The following ZDHHC3 variants were observed in gnomAD, a reference collection of about 807,000 sequenced individuals.
ZDHHC3 encodes the protein palmitoyltransferase ZDHHC3.
A neutral mutation model predicts 30.6 loss-of-function variants in ZDHHC3; 9 were observed. The ratio of observed to expected loss-of-function variants is 0.29; its 90% CI spans 0.18 to 0.51. ZDHHC3 has a LOEUF of 0.51. Ranked by LOEUF, ZDHHC3 falls within the 20% of genes least tolerant of loss-of-function variation. The probability of loss-of-function intolerance (pLI) is 0.97; values close to 1 mark genes in which losing one functional copy is unlikely to be tolerated. For missense variants in ZDHHC3, 246 were observed against 384.2 expected (o/e 0.64, Z 3.01); for synonymous variants, 136 against 140.2 (o/e 0.97, Z 0.21).
chr3:44,973,202 AT>A lies in ZDHHC3; in HGVS notation c.-25+2730del, dbSNP rs565515817. 2.0e-4 allele frequency among the ~76,000 whole-genome samples: 31 copies of A among 152,312 alleles called. No individual in the cohort carries two copies. The East Asian group carries it at 5.8e-3, about 28-fold the overall frequency. ...GGACAGTTACCAACGCCATAACAAA[AT>A]TGGGATTTCCTTCACCAAATAATCT... On this transcript the variant is annotated intron_variant, in intron 1 of 6. Coordinates refer to ENST00000424952, the MANE Select transcript of ZDHHC3 (RefSeq NM_001135179.2).
chr3:44,931,997 A>G (rs1421092216), intron 5 of ZDHHC3, among the ~76,000 whole-genome samples: 2 of 152,156 alleles, frequency 1.3e-5, no homozygotes, highest in Non-Finnish European at 2.9e-5. Context: ...CAACAGGGAC[A>G]TTTTGCCTCA....
Position 44,925,921 on chromosome 3 carries a change from AT to A in ZDHHC3, c.*767del, listed in dbSNP as rs1335860630. On this transcript the variant is annotated 3_prime_UTR_variant, in exon 7 of 7. Transcript: ENST00000424952. ...AACGTAGCTTGCCTGAAATTGTGTAATTTTTTTTCCTCTTGATTGTATAAGG... is the reference window on the plus strand; with the variant it reads ...AACGTAGCTTGCCTGAAATTGTGTAATTTTTTTCCTCTTGATTGTATAAGG... 7 of 985,562 alleles carry A rather than the reference AT, an allele frequency of 7.1e-6. No homozygotes were observed. The highest frequency in any genetic ancestry group is 8.4e-6 in the Non-Finnish European group (7 of 829,872). The allele number at this position is 985,562 out of a possible 1,614,324, so 61.1% of individuals were successfully genotyped here.
intron 1 of ZDHHC3, among the ~76,000 whole-genome samples, chr3:44,972,021 T>C (rs956062654): frequency 6.6e-6 from 1 of 152,170 alleles, no homozygotes; most frequent in Non-Finnish European, 1.5e-5. Context: ...GCAAAGTGTT[T>C]AAAGGAAACA....
At chr3:44,942,636 C>T (rs1337034723) in intron 3 of ZDHHC3, among the ~76,000 whole-genome samples, 1 of 152,222 alleles carries the variant, frequency 6.6e-6, no homozygotes, top group East Asian at 1.9e-4. Flanking sequence ...TTTATAAACC[C>T]AGCATATCCC....
chr3:44,934,684 G>C (rs1436400029), intron 3 of ZDHHC3, among the ~76,000 whole-genome samples: 4 of 151,706 alleles, frequency 2.6e-5, no homozygotes, highest in Non-Finnish European at 5.9e-5. Flanking sequence ...CTGAGGTCAG[G>C]AGTTTAAGAC....
At position 44,923,013 on chromosome 3, in the gene ZDHHC3, C is replaced by T; in HGVS notation, c.*3676G>A. 1.0e-6 allele frequency: 1 copy of T among 984,846 alleles called. No individual in the cohort carries two copies. The highest frequency in any genetic ancestry group is 1.2e-6 in the Non-Finnish European group (1 of 829,608). 61.0% of individuals were successfully genotyped at this position (984,846 alleles called of 1,614,324 possible). ...AAACCCATTAGCCTGGCTGAGAAAG[C>T]CCATCCCAGCCCACCCGGAGAGGAG... On this transcript the variant is annotated 3_prime_UTR_variant, in exon 7 of 7. Transcript: ENST00000424952.
At chr3:44,938,999 A>C (rs1702211189) in intron 3 of ZDHHC3, among the ~76,000 whole-genome samples, 1 of 152,212 alleles carries the variant, frequency 6.6e-6, no homozygotes. Context: ...ATTATAAAGA[A>C]TACATGAGAC....
chr3:44,960,071 C>T (rs548442834), intron 1 of ZDHHC3, among the ~76,000 whole-genome samples: 32 of 152,274 alleles, frequency 2.1e-4, no homozygotes, highest in East Asian at 7.7e-4. Context: ...GCCAGCCTGG[C>T]AATTTAGAGG....
At chr3:44,958,677 T>C in intron 2 of ZDHHC3, 5 of 1,536,120 alleles carry the variant, frequency 3.3e-6, no homozygotes, top group Non-Finnish European at 3.5e-6. Context: ...GCCATTTCCG[T>C]GCAGGTTCCT....
intron 3 of ZDHHC3, 150 bp from the exon 4 acceptor site, chr3:44,934,134 G>A: frequency 6.8e-6 from 5 of 738,252 alleles, no homozygotes; most frequent in South Asian, 1.6e-5. Flanking sequence ...TGTCACGTGG[G>A]GCTTGGGAGG....
At chr3:44,974,854 C>A (rs538821445) in intron 1 of ZDHHC3, among the ~76,000 whole-genome samples, 100 of 152,300 alleles carry the variant, frequency 6.6e-4, no homozygotes, top group Non-Finnish European at 1.3e-3. Context: ...TCCCACTGTG[C>A]CCACTGATGC....
At chr3:44,931,481 A>C (rs1440251537) in intron 5 of ZDHHC3, among the ~76,000 whole-genome samples, 1 of 152,204 alleles carries the variant, frequency 6.6e-6, no homozygotes, top group East Asian at 1.9e-4. Flanking sequence ...TATCAACTCA[A>C]AGTGCCCTAA....
Position 44,916,846 on chromosome 3 carries a change from GTGTT to G in ZDHHC3, c.*9839_*9842del, listed in dbSNP as rs933209769. ...TGGTGGGGTGTGTGTGTGTGTGTGT[GTGTT>G]TGTCTATCTTCCTGATTCATCTGAT... is the stretch of plus-strand genomic sequence containing the variant. On this transcript the variant is annotated 3_prime_UTR_variant, in exon 7 of 7. Transcript: ENST00000424952. 8 of 152,094 alleles carry G rather than the reference GTGTT, an allele frequency of 5.3e-5. No homozygotes were observed. Among genetic ancestry groups the G allele is most frequent in the Admixed American group, 6.5e-5 (1 of 15,276 alleles). The allele number at this position is 152,094 out of a possible 1,614,324, so 9.4% of individuals were successfully genotyped here.
At chr3:44,929,677 C>A (rs1458068622) in intron 5 of ZDHHC3, among the ~76,000 whole-genome samples, 5 of 152,230 alleles carry the variant, frequency 3.3e-5, no homozygotes, top group African/African-American at 1.2e-4. Context: ...CCTTCCCTAA[C>A]ACAAATCATT....
chr3:44,922,822 G>A lies in ZDHHC3; in HGVS notation c.*3867C>T. ...GGTGATGCTGATGTTGACGTTGCTG[G>A]TCTGGCAACCTCAAGAACACCTTTG... On this transcript the variant is annotated 3_prime_UTR_variant, in exon 7 of 7. Transcript: ENST00000424952. The A allele has an allele frequency of 4.1e-6, 4 of 985,310 alleles. No individual in the cohort carries two copies. Among genetic ancestry groups the A allele is most frequent in the Non-Finnish European group, 4.8e-6 (4 of 829,918 alleles). 61.0% of individuals were successfully genotyped at this position (985,310 alleles called of 1,614,324 possible).
Position 44,926,658 on chromosome 3 carries a change from G to A in ZDHHC3, c.*31C>T, listed in dbSNP as rs753670034. The A allele has an allele frequency of 1.3e-6, 2 of 1,560,594 alleles. No homozygotes were observed. The highest frequency in any genetic ancestry group is 1.2e-5 in the South Asian group (1 of 82,990). On this transcript the variant is annotated 3_prime_UTR_variant, in exon 7 of 7. Transcript: ENST00000424952. ...GACGGTAGTGCTGTGGTGTGGACTT[G>A]TGTCTGAGTGGCCATGCCGGTCGGG...
intron 2 of ZDHHC3, chr3:44,958,661 G>C (rs1338816230): frequency 1.9e-5 from 29 of 1,536,072 alleles, no homozygotes; most frequent in Non-Finnish European, 2.0e-5. Context: ...CCCAAGCAAA[G>C]TGAAGGCCAT....
chr3:44,963,716 C>A (rs1409553722), intron 1 of ZDHHC3, among the ~76,000 whole-genome samples: 1 of 152,192 alleles, frequency 6.6e-6, no homozygotes, highest in African/African-American at 2.4e-5. Flanking sequence ...GTTACTCAGG[C>A]TTCTGGGACA....
intron 5 of ZDHHC3, chr3:44,932,807 C>T: frequency 1.9e-6 from 2 of 1,072,892 alleles, no homozygotes; most frequent in Non-Finnish European, 1.4e-6. Context: ...CCCAGCATGG[C>T]TCCCACGCAT....
Sources: gnomAD v4.1 joint callset for allele counts (sites outside exome capture counted in the v4.1 genomes callset) on GRCh38, gnomAD v4.1.1 for gene constraint, MANE v1.5 for transcripts, NCBI Gene and HGNC (gene_info 2026-07-23, HGNC 2026-07-21) for gene names.